CSGALNACT1: variants seen among roughly 807,000 people sequenced by gnomAD.
The protein encoded by CSGALNACT1 is beta4GalNAcT-1.
CSGALNACT1 carries 52 observed loss-of-function variants against 51.0 expected under a neutral mutation model. The ratio of observed to expected loss-of-function variants is 1.02; its 90% CI spans 0.82 to 1.29. The LOEUF is 1.29. Ranked by LOEUF, CSGALNACT1 falls within the 50% of genes most tolerant of loss-of-function variation. CSGALNACT1 has a pLI of 0.00. For missense variants in CSGALNACT1, 935 were observed against 679.2 expected, an observed-to-expected ratio of 1.38 and a Z score of -4.19; for synonymous variants, 341 against 254.4, an observed-to-expected ratio of 1.34 and a Z score of -3.24.
chr8:19,693,469 C>T (rs112206042), intron 1 of CSGALNACT1, among the ~76,000 whole-genome samples: 62 of 152,166 alleles, frequency 4.1e-4, no homozygotes, highest in African/African-American at 1.3e-3. Context: ...TTCTAAAGAT[C>T]TTTGTAACTA....
At chr8:19,729,499 T>C (rs971126554) in intron 1 of CSGALNACT1, among the ~76,000 whole-genome samples, 2 of 152,126 alleles carry the variant, frequency 1.3e-5, no homozygotes, top group East Asian at 3.9e-4. Context: ...CCAGGAGTAT[T>C]CAAACACAGA....
chr8:19,511,807 G>T (rs1391504332), intron 3 of CSGALNACT1, among the ~76,000 whole-genome samples: 1 of 152,184 alleles, frequency 6.6e-6, no homozygotes, highest in Non-Finnish European at 1.5e-5. Flanking sequence ...CTGTACAGGA[G>T]GCATGGCTGG....
At chr8:19,619,910 G>A (rs1208402845) in intron 1 of CSGALNACT1, among the ~76,000 whole-genome samples, 6 of 152,168 alleles carry the variant, frequency 3.9e-5, no homozygotes, top group African/African-American at 7.2e-5. Context: ...ATCCCAGCCT[G>A]GTCACTTGAG....
chr8:19,753,378 C>G (rs74696373), intron 1 of CSGALNACT1, among the ~76,000 whole-genome samples: 2 of 152,052 alleles, frequency 1.3e-5, no homozygotes. Context: ...ATTGTCTTAC[C>G]GTAAAATCCT....
intron 5 of CSGALNACT1, among the ~76,000 whole-genome samples, chr8:19,454,789 TAA>T (rs5889872): frequency 1.3e-5 from 2 of 149,506 alleles, no homozygotes; most frequent in Admixed American, 1.3e-4. Context: ...CAAAATGTAG[TAA>T]AAAAAAAAAA....
chr8:19,624,786 C>T (rs889768824), intron 1 of CSGALNACT1, among the ~76,000 whole-genome samples: 1 of 151,976 alleles, frequency 6.6e-6, no homozygotes, highest in African/African-American at 2.4e-5. Context: ...TCAAGCGATT[C>T]TCCTGCCTCA....
intron 1 of CSGALNACT1, among the ~76,000 whole-genome samples, chr8:19,719,952 T>A (rs1017749975): frequency 1.3e-5 from 2 of 152,228 alleles, no homozygotes; most frequent in African/African-American, 2.4e-5. Context: ...AAGAAAGCTA[T>A]CATTTTTCTA....
At chr8:19,541,246 A>AT (rs34749639) in intron 3 of CSGALNACT1, among the ~76,000 whole-genome samples, 23,259 of 111,290 alleles carry the variant, frequency 0.21, 2,763 homozygotes, top group Non-Finnish European at 0.23. Flanking sequence ...AACTTGGCTA[A>AT]TTTTTTTTTT....
At chr8:19,466,000 G>C (rs1226230055) in intron 4 of CSGALNACT1, among the ~76,000 whole-genome samples, 3 of 152,198 alleles carry the variant, frequency 2.0e-5, no homozygotes, top group Admixed American at 6.5e-5. Context: ...ACTGTACCCA[G>C]AGATAACCCT....
chr8:19,416,108 A>AAT (rs2056817547), intron 8 of CSGALNACT1, among the ~76,000 whole-genome samples: 1 of 107,406 alleles, frequency 9.3e-6, no homozygotes, highest in Admixed American at 1.2e-4. Context: ...AGAAATGAAA[A>AAT]CTTTTTTTTT....
intron 3 of CSGALNACT1, among the ~76,000 whole-genome samples, chr8:19,539,362 G>A (rs2154067933): frequency 6.6e-6 from 1 of 152,246 alleles, no homozygotes; most frequent in Non-Finnish European, 1.5e-5. Flanking sequence ...TCTTATTAAT[G>A]TTCTTATTTA....
chr8:19,419,577 AG>A (rs2057546687), intron 7 of CSGALNACT1, among the ~76,000 whole-genome samples: 1 of 152,192 alleles, frequency 6.6e-6, no homozygotes, highest in South Asian at 2.1e-4. Context: ...AAGTCATTTT[AG>A]TACTGTGGGT....
At chr8:19,590,784 G>C (rs1454874136) in intron 3 of CSGALNACT1, among the ~76,000 whole-genome samples, 1 of 151,230 alleles carries the variant, frequency 6.6e-6, no homozygotes, top group Non-Finnish European at 1.5e-5. Flanking sequence ...CATGTAGCTG[G>C]GATTACAGGT....
intron 1 of CSGALNACT1, among the ~76,000 whole-genome samples, chr8:19,744,476 T>C (rs1263411705): frequency 6.6e-6 from 1 of 152,224 alleles, no homozygotes; most frequent in Non-Finnish European, 1.5e-5. Context: ...TTCAGCTAGG[T>C]AATTAGTCCT....
intron 1 of CSGALNACT1, among the ~76,000 whole-genome samples, chr8:19,716,588 G>A (rs1005209178): frequency 4.7e-5 from 5 of 105,638 alleles, no homozygotes; most frequent in African/African-American, 1.8e-4. Context: ...GGCCAGCCTG[G>A]CCAACATGGT....
intron 5 of CSGALNACT1, chr8:19,457,734 A>G (rs377618748): frequency 7.4e-7 from 1 of 1,347,230 alleles, no homozygotes; most frequent in Non-Finnish European, 9.8e-7. Context: ...CAATATGTGC[A>G]TCTGAGCCAT....
At chr8:19,691,660 C>T (rs547059370) in intron 1 of CSGALNACT1, among the ~76,000 whole-genome samples, 3 of 152,260 alleles carry the variant, frequency 2.0e-5, no homozygotes, top group South Asian at 4.1e-4. Flanking sequence ...CCATGACATT[C>T]CATGCCTGCT....
At chr8:19,506,250 T>C (rs553878917) in intron 3 of CSGALNACT1, 120 bp from the exon 3 acceptor site, 1 of 375,758 alleles carries the variant, frequency 2.7e-6, no homozygotes, top group Non-Finnish European at 5.2e-6. Context: ...CTATGATAGA[T>C]GATTAAATAT....
chr8:19,513,034 G>A (rs187315454), intron 3 of CSGALNACT1, among the ~76,000 whole-genome samples: 1 of 152,260 alleles, frequency 6.6e-6, no homozygotes, highest in Non-Finnish European at 1.5e-5. Flanking sequence ...TTAAGCCAGA[G>A]GCAGGAAAAC....
Sources: gnomAD v4.1 joint callset for allele counts (sites outside exome capture counted in the v4.1 genomes callset) on GRCh38, gnomAD v4.1.1 for gene constraint, MANE v1.5 for transcripts, NCBI Gene and HGNC (gene_info 2026-07-23, HGNC 2026-07-21) for gene names.